Variants in ACAP2 observed in about 807,000 individuals in gnomAD.
The protein encoded by ACAP2 is ArfGAP with coiled-coil, ankyrin repeat and PH domains 2, also known as arf-GAP with coiled-coil, ANK repeat and PH domain-containing protein 2.
Under a neutral mutation model 115.8 loss-of-function variants are expected in ACAP2, and 39 were observed. The observed-to-expected ratio is 0.34, with a 90% CI of 0.26 to 0.44. ACAP2 has a LOEUF of 0.44. Ranked by LOEUF, ACAP2 falls within the 20% of genes least tolerant of loss-of-function variation. ACAP2 has a pLI of 1.00. For synonymous variants in ACAP2, 289 were observed against 315.8 expected (o/e 0.92, Z 0.90); for missense variants, 662 against 927.6 (o/e 0.71, Z 3.72).
chr3:195,329,123 C>A (rs1730007979), intron 8 of ACAP2, among the ~76,000 whole-genome samples: 1 of 151,470 alleles, frequency 6.6e-6, no homozygotes, highest in African/African-American at 2.4e-5. Context: ...ATGTCTCTTG[C>A]ATCTCTAACC....
chr3:195,344,346 A>G (rs1265598645), intron 5 of ACAP2, among the ~76,000 whole-genome samples: 2 of 152,230 alleles, frequency 1.3e-5, no homozygotes, highest in African/African-American at 4.8e-5. Flanking sequence ...GCTCTATTAT[A>G]ATAAACTTTA....
At chr3:195,313,456 G>T (rs998380697) in intron 10 of ACAP2, among the ~76,000 whole-genome samples, 1 of 152,178 alleles carries the variant, frequency 6.6e-6, no homozygotes, top group Admixed American at 6.5e-5. Context: ...TCACTAAATA[G>T]AGGATGTCAA....
chr3:195,428,963 A>C (rs1233586756), intron 1 of ACAP2, among the ~76,000 whole-genome samples: 1 of 152,234 alleles, frequency 6.6e-6, no homozygotes, highest in Non-Finnish European at 1.5e-5. Context: ...TACCGTAAGA[A>C]AATTTGTATA....
chr3:195,354,447 T>C (rs897798023), intron 4 of ACAP2, among the ~76,000 whole-genome samples: 8 of 152,222 alleles, frequency 5.3e-5, no homozygotes, highest in Non-Finnish European at 1.0e-4. Context: ...TGTTGAGCTT[T>C]TTTTATATGA....
chr3:195,434,792 T>C (rs1715407365), intron 1 of ACAP2, among the ~76,000 whole-genome samples: 1 of 152,224 alleles, frequency 6.6e-6, no homozygotes, highest in Non-Finnish European at 1.5e-5. Context: ...CTGTTCAGAT[T>C]TTCTGTTTCT....
At chr3:195,368,978 G>C (rs1381728450) in intron 4 of ACAP2, among the ~76,000 whole-genome samples, 1 of 152,100 alleles carries the variant, frequency 6.6e-6, no homozygotes, top group Non-Finnish European at 1.5e-5. Flanking sequence ...CAGCTACTTG[G>C]GGGGCTGAGG....
chr3:195,397,390 G>A (rs766328510), intron 1 of ACAP2, among the ~76,000 whole-genome samples: 6 of 152,126 alleles, frequency 3.9e-5, no homozygotes, highest in Non-Finnish European at 7.3e-5. Flanking sequence ...TTAAAAAAGA[G>A]TGACGAAAAG....
At chr3:195,300,936 T>A in intron 15 of ACAP2, among the ~76,000 whole-genome samples, 1 of 152,156 alleles carries the variant, frequency 6.6e-6, no homozygotes, top group Non-Finnish European at 1.5e-5. Flanking sequence ...GAGGATTCTT[T>A]GAGCCAAGGA....
intron 4 of ACAP2, among the ~76,000 whole-genome samples, chr3:195,369,509 A>G (rs770481935): frequency 2.6e-5 from 4 of 152,164 alleles, no homozygotes; most frequent in Admixed American, 1.3e-4. Context: ...TACAAGTGAG[A>G]ACATGTGGTA....
chr3:195,360,052 T>C (rs1015044108), intron 4 of ACAP2, among the ~76,000 whole-genome samples: 1 of 152,054 alleles, frequency 6.6e-6, no homozygotes, highest in Non-Finnish European at 1.5e-5. Flanking sequence ...TGAATGTAAA[T>C]GGACTACACT....
intron 2 of ACAP2, among the ~76,000 whole-genome samples, chr3:195,389,717 G>A (rs535828965): frequency 4.0e-3 from 608 of 152,296 alleles, no homozygotes; most frequent in Non-Finnish European, 5.8e-3. Context: ...AGCCAGACAT[G>A]TAATTTTTAA....
chr3:195,413,062 A>G (rs1350307209), intron 1 of ACAP2: 3 of 264,760 alleles, frequency 1.1e-5, no homozygotes, highest in Admixed American at 4.0e-5. Context: ...TAAAATATTC[A>G]TGGTTGAACA....
intron 10 of ACAP2, among the ~76,000 whole-genome samples, chr3:195,311,379 G>T (rs1168298603): frequency 6.6e-6 from 1 of 152,040 alleles, no homozygotes; most frequent in African/African-American, 2.4e-5. Context: ...CTACAGGCGT[G>T]AGCCACCACG....
At chr3:195,343,782 A>G (rs1312418946) in intron 5 of ACAP2, among the ~76,000 whole-genome samples, 2 of 152,228 alleles carry the variant, frequency 1.3e-5, no homozygotes, top group Non-Finnish European at 2.9e-5. Context: ...CTAGGGAGCT[A>G]GGTAAAATAA....
chr3:195,307,236 C>A lies in ACAP2; in HGVS notation c.997G>T (p.Val333Phe). The change falls in exon 12 of 23, where the codon GTC (valine) becomes TTC (phenylalanine). Residue 333 changes from valine (V) to phenylalanine (F), a missense_variant. Around this residue, in one of 3 missense-constraint regions of ACAP2, gnomAD observed 401 missense variants for 604.4 expected, o/e 0.66. Transcript: ENST00000326793. ...DIERRFCFEVVSPTKSCMLQA... is the reference protein window; with the variant it reads ...DIERRFCFEVFSPTKSCMLQA... ...AGAACCACTTACTTTGTTGGCGAGA[C>A]CACCTCAAAGCAGAATCGTCGCTCT... 6.2e-7 allele frequency: 1 copy of A among 1,612,842 alleles called. No homozygotes were observed. The highest frequency in any genetic ancestry group is 1.1e-5 in the South Asian group (1 of 90,932).
Position 195,307,205 on chromosome 3 carries a change from T to C in ACAP2, c.1010+18A>G. On this transcript the variant is annotated intron_variant, in intron 12 of 22. Coordinates refer to ENST00000326793, the MANE Select transcript of ACAP2 (RefSeq NM_012287.6). ...TAAAAACATAAAAGCAAATCACAGA[T>C]CCTTTAGAACCACTTACTTTGTTGG... 3 of 1,589,126 alleles carry C rather than the reference T, an allele frequency of 1.9e-6. No individual in the cohort carries two copies. The highest frequency in any genetic ancestry group is 2.6e-6 in the Non-Finnish European group (3 of 1,162,392).
At chr3:195,415,527 G>A (rs374035115) in intron 1 of ACAP2, among the ~76,000 whole-genome samples, 43 of 151,732 alleles carry the variant, frequency 2.8e-4, no homozygotes, top group African/African-American at 9.4e-4. Flanking sequence ...TGCTGGCCTC[G>A]GCCTCCCAAA....
chr3:195,282,805 T>G (rs917436361), intron 22 of ACAP2: 17 of 152,236 alleles, frequency 1.1e-4, no homozygotes, highest in African/African-American at 4.1e-4. Flanking sequence ...CCTGGACAGC[T>G]CTAAGTTTTT....
intron 13 of ACAP2, among the ~76,000 whole-genome samples, chr3:195,306,274 C>T (rs11715578): frequency 0.087 from 13,144 of 151,876 alleles, 1,013 homozygotes; most frequent in East Asian, 0.39. Flanking sequence ...TACCTTATTC[C>T]GATCTGGTTC....
Sources: allele counts gnomAD v4.1 joint callset (sites outside exome capture counted in the v4.1 genomes callset), GRCh38; gene constraint gnomAD v4.1.1; regional missense constraint gnomAD v4.1.1; transcripts MANE v1.5; gene names NCBI Gene and HGNC (gene_info 2026-07-23, HGNC 2026-07-21).